Variants in COG5 observed in about 807,000 individuals in gnomAD.
COG5 encodes the protein conserved oligomeric Golgi complex subunit 5.
COG5 carries 86 observed loss-of-function variants against 110.4 expected under a neutral mutation model. That is an observed-to-expected ratio of 0.78 (90% CI 0.65 to 0.93). The LOEUF is 0.93. Among genes scored for constraint, COG5 ranks in the 40% least tolerant of loss-of-function variants. The pLI is 0.00. For synonymous variants in COG5, 360 were observed against 334.6 expected (o/e 1.08, Z -0.83); for missense variants, 1,077 against 987.0 (o/e 1.09, Z -1.22).
intron 17 of COG5, among the ~76,000 whole-genome samples, chr7:107,237,530 G>A (rs1281006122): frequency 6.6e-6 from 1 of 152,184 alleles, no homozygotes; most frequent in Non-Finnish European, 1.5e-5. Flanking sequence ...ATGGTCTATA[G>A]AAGAACAACA....
chr7:107,364,197 C>T (rs1245545804), intron 8 of COG5, among the ~76,000 whole-genome samples: 1 of 151,872 alleles, frequency 6.6e-6, no homozygotes, highest in Non-Finnish European at 1.5e-5. Context: ...GTATGTTTAC[C>T]CTGAAGCTAA....
At chr7:107,417,072 T>C (rs1563022438) in intron 6 of COG5, among the ~76,000 whole-genome samples, 1 of 152,154 alleles carries the variant, frequency 6.6e-6, no homozygotes, top group Admixed American at 6.5e-5. Flanking sequence ...CCTGGATATT[T>C]ATGTGAGAAA....
chr7:107,361,984 T>C, intron 10 of COG5, 49 bp downstream of exon 10: 1 of 1,275,128 alleles, frequency 7.8e-7, no homozygotes, highest in Non-Finnish European at 1.1e-6. Context: ...GACTCATATA[T>C]TCCTGTTTTG....
At chr7:107,349,884 G>C (rs1017570960) in intron 10 of COG5, among the ~76,000 whole-genome samples, 2 of 152,000 alleles carry the variant, frequency 1.3e-5, no homozygotes, top group Admixed American at 1.3e-4. Flanking sequence ...TGGAGACAGG[G>C]TTTCACCATG....
chr7:107,447,101 AC>A (rs1009264926), intron 6 of COG5, among the ~76,000 whole-genome samples: 1 of 152,130 alleles, frequency 6.6e-6, no homozygotes, highest in African/African-American at 2.4e-5. Context: ...TAGTTGCAGC[AC>A]TGACTTTCTG....
At chr7:107,260,413 C>A (rs1249720747) in intron 14 of COG5, among the ~76,000 whole-genome samples, 1 of 152,026 alleles carries the variant, frequency 6.6e-6, no homozygotes, top group African/African-American at 2.4e-5. Flanking sequence ...TGCAGTGGGG[C>A]AGTGGGGTAT....
chr7:107,368,289 G>C (rs1036657730), intron 8 of COG5, among the ~76,000 whole-genome samples: 1 of 152,060 alleles, frequency 6.6e-6, no homozygotes, highest in African/African-American at 2.4e-5. Flanking sequence ...TCTGTTGAAT[G>C]AAAGTAAAAT....
rs1291376393 is a variant in COG5 at position 107,474,733 on chromosome 7, G to A, written c.538+52504C>T. 8 of 1,610,416 alleles carry A rather than the reference G, an allele frequency of 5.0e-6. No individual in the cohort carries two copies. The highest frequency in any genetic ancestry group is 6.8e-6 in the Non-Finnish European group (8 of 1,178,278). ...GATCCCAATATTCTTTTTCACTGTT[G>A]TAGTAATGTTAATCACATACACCAA... On this transcript the variant is annotated intron_variant, in intron 6 of 21. Transcript: ENST00000297135. This position sits in a 1 kb window ranked among gnomAD's most constrained non-coding sequence, Gnocchi z 5.7.
At chr7:107,226,652 C>A (rs1394225434) in intron 19 of COG5, among the ~76,000 whole-genome samples, 1 of 152,200 alleles carries the variant, frequency 6.6e-6, no homozygotes, top group South Asian at 2.1e-4. Flanking sequence ...AGCACATGCT[C>A]ACATCTCTCT....
At chr7:107,274,213 G>C (rs1804505527) in intron 14 of COG5, among the ~76,000 whole-genome samples, 1 of 152,178 alleles carries the variant, frequency 6.6e-6, no homozygotes. Context: ...AGGATTGCTT[G>C]AGCCTAGGAG....
chr7:107,351,942 C>T (rs1812179545), intron 10 of COG5, among the ~76,000 whole-genome samples: 1 of 147,004 alleles, frequency 6.8e-6, no homozygotes, highest in African/African-American at 2.5e-5. Flanking sequence ...ACCATTTGAC[C>T]CAGCCATCCC....
intron 10 of COG5, among the ~76,000 whole-genome samples, chr7:107,340,426 C>A (rs1254044340): frequency 6.6e-6 from 1 of 152,088 alleles, no homozygotes; most frequent in Non-Finnish European, 1.5e-5. Flanking sequence ...TGATTCACAG[C>A]AGAATTCTAC....
chr7:107,510,378 G>C (rs1460049372), intron 6 of COG5, among the ~76,000 whole-genome samples: 9 of 152,154 alleles, frequency 5.9e-5, no homozygotes, highest in African/African-American at 1.4e-4. Flanking sequence ...CCTAATACAG[G>C]ACAACCCAGA....
chr7:107,347,857 T>G (rs901411305), intron 10 of COG5, among the ~76,000 whole-genome samples: 2 of 152,150 alleles, frequency 1.3e-5, no homozygotes, highest in African/African-American at 4.8e-5. Context: ...CCAGGCGCAG[T>G]GGCTCATGCC....
At chr7:107,515,610 T>C (rs1799865455) in intron 6 of COG5, among the ~76,000 whole-genome samples, 1 of 152,160 alleles carries the variant, frequency 6.6e-6, no homozygotes, top group South Asian at 2.1e-4. Context: ...AAGCAGAGTA[T>C]CCATCGATGG....
chr7:107,497,570 G>C (rs1006506327), intron 6 of COG5, among the ~76,000 whole-genome samples: 2 of 151,688 alleles, frequency 1.3e-5, no homozygotes, highest in Admixed American at 6.6e-5. Context: ...TAAAATACTA[G>C]GAACAGACTT....
chr7:107,516,897 G>GA (rs1429265975), intron 6 of COG5, among the ~76,000 whole-genome samples: 4 of 152,160 alleles, frequency 2.6e-5, no homozygotes, highest in African/African-American at 4.8e-5. Context: ...CAAAGATGAG[G>GA]AAAAACCAGT....
At chr7:107,326,569 TACTTAAGAATAA>T (rs1809785757) in intron 10 of COG5, among the ~76,000 whole-genome samples, 1 of 152,080 alleles carries the variant, frequency 6.6e-6, no homozygotes. Flanking sequence ...TCCAAAAGAA[TACTTAAGAATAA>T]ACTTATTCAA....
chr7:107,329,400 T>G (rs1336915504), intron 10 of COG5, among the ~76,000 whole-genome samples: 2 of 152,128 alleles, frequency 1.3e-5, no homozygotes, highest in African/African-American at 2.4e-5. Context: ...TAAGATAGTA[T>G]GTTAAAGCAA....
Sources: allele counts gnomAD v4.1 joint callset (sites outside exome capture counted in the v4.1 genomes callset), GRCh38; gene constraint gnomAD v4.1.1; non-coding constraint Gnocchi (gnomAD v3.1); transcripts MANE v1.5; gene names NCBI Gene and HGNC (gene_info 2026-07-23, HGNC 2026-07-21).